The following CCDC88A variants were observed in gnomAD, a reference collection of about 807,000 sequenced individuals.
CCDC88A encodes girdin.
Under a neutral mutation model 234.3 loss-of-function variants are expected in CCDC88A, and 54 were observed. The ratio of observed to expected loss-of-function variants is 0.23; its 90% CI spans 0.19 to 0.29. The LOEUF is 0.29. Ranked by LOEUF, CCDC88A falls within the 10% of genes least tolerant of loss-of-function variation. The probability of loss-of-function intolerance (pLI) is 1.00; values close to 1 mark genes in which losing one functional copy is unlikely to be tolerated. For missense variants in CCDC88A, 1,832 were observed against 2,123.4 expected (o/e 0.86, Z 2.70); for synonymous variants, 753 against 737.8 (o/e 1.02, Z -0.33).
intron 7 of CCDC88A, among the ~76,000 whole-genome samples, chr2:55,361,712 C>T (rs1671348730): frequency 6.6e-6 from 1 of 152,176 alleles, no homozygotes; most frequent in Non-Finnish European, 1.5e-5. Flanking sequence ...GCACTAAAGT[C>T]TAGACTCTTT....
chr2:55,367,457 T>C (rs1259262409), intron 5 of CCDC88A, among the ~76,000 whole-genome samples: 1 of 151,702 alleles, frequency 6.6e-6, no homozygotes, highest in Non-Finnish European at 1.5e-5. Flanking sequence ...GTCTCCCTCT[T>C]TGAGCTATAT....
At chr2:55,371,455 A>C (rs1481301707) in intron 5 of CCDC88A, among the ~76,000 whole-genome samples, 1 of 152,216 alleles carries the variant, frequency 6.6e-6, no homozygotes, top group Non-Finnish European at 1.5e-5. Context: ...GAAGTGAGAC[A>C]GTTTAAAATG....
At chr2:55,396,000 A>G (rs1372057351) in intron 2 of CCDC88A, among the ~76,000 whole-genome samples, 2 of 152,222 alleles carry the variant, frequency 1.3e-5, no homozygotes, top group Admixed American at 1.3e-4. Context: ...AAACAGCAGC[A>G]TGATCAAGAA....
rs182337199 is a variant in CCDC88A, at chr2:55,324,991, A to C, written c.2998-2299T>G. ...ATACTGCCATACTGCCTGCTAAATTAGTTATAACACCTTATATTTGCATCA... is the reference window on the plus strand; with the variant it reads ...ATACTGCCATACTGCCTGCTAAATTCGTTATAACACCTTATATTTGCATCA... On this transcript the variant is annotated intron_variant, in intron 17 of 32. Transcript: ENST00000436346. 4.5e-3 allele frequency among the ~76,000 whole-genome samples: 693 copies of C among 152,324 alleles called. 4 individuals carry two copies. Among genetic ancestry groups the C allele is most frequent in the Middle Eastern group, 0.014 (4 of 294 alleles).
intron 2 of CCDC88A, among the ~76,000 whole-genome samples, chr2:55,410,410 G>A: frequency 6.6e-6 from 1 of 152,128 alleles, no homozygotes; most frequent in East Asian, 1.9e-4. Flanking sequence ...CATTATGAAG[G>A]TATATTTATC....
At chr2:55,319,170 C>G (rs1683316273) in intron 18 of CCDC88A, among the ~76,000 whole-genome samples, 166 bp from the exon 19 acceptor site, 2 of 150,454 alleles carry the variant, frequency 1.3e-5, no homozygotes, top group Non-Finnish European at 3.0e-5. Context: ...TCCCCCATCC[C>G]AAATTGTAAA....
rs753681002 is a variant in CCDC88A, at chr2:55,295,533, G to T, written c.5551+64C>A. 4.3e-6 allele frequency: 7 copies of T among 1,613,718 alleles called. No individual in the cohort carries two copies. The South Asian group carries it at 7.7e-5, about 18-fold the overall frequency. On this transcript the variant is annotated intron_variant, in intron 31 of 32. Transcript: ENST00000436346. ...TATAGCTAAATCATTTTGGGCACAA[G>T]AACCTATAGTATGTGTTGGGATGTC...
chr2:55,403,007 T>A (rs1179387902), intron 2 of CCDC88A, among the ~76,000 whole-genome samples: 1 of 142,890 alleles, frequency 7.0e-6, no homozygotes, highest in African/African-American at 2.6e-5. Context: ...AGACTCCGTC[T>A]AAAAAAAAAA....
At position 55,336,646 on chromosome 2, in the gene CCDC88A, A is replaced by C. The variant is rs113533040; in HGVS notation, c.1656+35T>G. 8.0e-4 allele frequency: 1,091 copies of C among 1,356,876 alleles called. 6 individuals carry two copies. In the African/African-American group the frequency reaches 0.01, roughly 13 times the overall value. 84.1% of individuals were successfully genotyped at this position (1,356,876 alleles called of 1,614,324 possible). ...AAATAACTTTTGCTAATAAATTTTA[A>C]AATACATTGTTTACTTAGTAAAAAA... On this transcript the variant is annotated intron_variant, in intron 14 of 32. Coordinates refer to ENST00000436346, the MANE Select transcript of CCDC88A (RefSeq NM_001365480.1).
intron 25 of CCDC88A, among the ~76,000 whole-genome samples, chr2:55,303,903 T>C (rs1050683220): frequency 2.6e-5 from 4 of 152,206 alleles, no homozygotes; most frequent in Admixed American, 6.5e-5. Context: ...AGTTAAAATA[T>C]TTATTTTGGA....
chr2:55,339,650 TATA>T lies in CCDC88A; in HGVS notation c.1334-5_1334-3del, dbSNP rs1668233738. The T allele has an allele frequency of 6.3e-7, 1 of 1,592,384 alleles. No individual in the cohort carries two copies. The highest frequency in any genetic ancestry group is 2.2e-5 in the East Asian group (1 of 44,756). On this transcript the variant is annotated splice_region_variant and splice_polypyrimidine_tract_variant and intron_variant, in intron 12 of 32. Transcript: ENST00000436346. ...CATGGCCCAGGGATTTCTGGGGTGC[TATA>T]ATATTGAAAAATACACCATTGTATT...
At chr2:55,379,289 C>A (rs887893124) in intron 3 of CCDC88A, among the ~76,000 whole-genome samples, 2 of 151,914 alleles carry the variant, frequency 1.3e-5, no homozygotes, top group Non-Finnish European at 2.9e-5. Flanking sequence ...TTTACTAAGA[C>A]GAGGAACAAA....
chr2:55,371,822 C>T (rs779829609), intron 5 of CCDC88A, among the ~76,000 whole-genome samples: 11 of 152,086 alleles, frequency 7.2e-5, no homozygotes, highest in Non-Finnish European at 5.9e-5. Flanking sequence ...CTTTGACTTT[C>T]GCAAGTGTCC....
chr2:55,317,355 G>C lies in CCDC88A; in HGVS notation c.3603-6C>G. ...GTTTTAATAACTGATTGTAACTGGGGGGAAAAAAGGCATTTGGTTTATAAT... is the reference window on the plus strand; with the variant it reads ...GTTTTAATAACTGATTGTAACTGGGCGGAAAAAAGGCATTTGGTTTATAAT... On this transcript the variant is annotated splice_polypyrimidine_tract_variant and splice_region_variant and intron_variant, in intron 20 of 32. Transcript: ENST00000436346. This position sits in a 1 kb window ranked among gnomAD's most constrained non-coding sequence, Gnocchi z 4.2. 1.4e-6 allele frequency: 2 copies of C among 1,455,432 alleles called. No homozygotes were observed. Among genetic ancestry groups the C allele is most frequent in the Non-Finnish European group, 1.8e-6 (2 of 1,099,164 alleles). 90.2% of individuals were successfully genotyped at this position (1,455,432 alleles called of 1,614,324 possible).
rs1668763333 is a variant in CCDC88A at position 55,343,654 on chromosome 2, A to G, written c.1327T>C (p.Ser443Pro). ...LEQISRTSEL[S>P]EAPQKSLGHE... Reference sequence around the variant, plus strand: ...TTAAAAAAATTGGGAATACCTTCGGAAAGTTCACTAGTTCTGGATATCTGT... The same window carrying G: ...TTAAAAAAATTGGGAATACCTTCGGGAAGTTCACTAGTTCTGGATATCTGT... The change falls in exon 12 of 33, where the codon TCC becomes CCC. Residue 443 changes from serine to proline, a missense_variant. Transcript: ENST00000436346. The G allele has an allele frequency of 1.3e-6, 2 of 1,597,202 alleles. No individual in the cohort carries two copies. The highest frequency in any genetic ancestry group is 1.2e-5 in the South Asian group (1 of 86,662).
intron 4 of CCDC88A, among the ~76,000 whole-genome samples, chr2:55,372,779 T>G (rs992972459): frequency 1.9e-4 from 29 of 152,198 alleles, no homozygotes; most frequent in African/African-American, 6.5e-4. Flanking sequence ...ATGAATCTAC[T>G]CCTTTTCCAT....
intron 3 of CCDC88A, 107 bp from the exon 4 acceptor site, chr2:55,374,990 G>T: frequency 1.6e-6 from 1 of 633,012 alleles, no homozygotes; most frequent in Non-Finnish European, 2.8e-6. Flanking sequence ...GTGCTATATT[G>T]CAATTAAACA....
Position 55,317,379 on chromosome 2 carries a change from A to G in CCDC88A, c.3603-30T>C, listed in dbSNP as rs746138503. 9.2e-6 allele frequency: 13 copies of G among 1,413,986 alleles called. No individual in the cohort carries two copies. The East Asian group carries it at 2.5e-4, about 27-fold the overall frequency. 87.6% of individuals were successfully genotyped at this position (1,413,986 alleles called of 1,614,324 possible). A position where few individuals can be genotyped will look rare whatever the true frequency, so the allele number is the denominator to read the frequency against. ...GGGGAAAAAAGGCATTTGGTTTATA[A>G]TATTTACAAAAAAGAAATTTTAGAA... On this transcript the variant is annotated intron_variant, in intron 20 of 32. Transcript: ENST00000436346. This position sits in a 1 kb window ranked among gnomAD's most constrained non-coding sequence, Gnocchi z 4.2.
At chr2:55,300,248 C>T (rs1680725782) in intron 28 of CCDC88A, 1 of 279,270 alleles carries the variant, frequency 3.6e-6, no homozygotes, top group South Asian at 4.1e-5. Flanking sequence ...GATTGGGTCA[C>T]CTACAACAGA....
Sources: allele counts gnomAD v4.1 joint callset (sites outside exome capture counted in the v4.1 genomes callset), GRCh38; gene constraint gnomAD v4.1.1; non-coding constraint Gnocchi (gnomAD v3.1); transcripts MANE v1.5; gene names NCBI Gene and HGNC (gene_info 2026-07-23, HGNC 2026-07-21).